COL13A1: variants seen among roughly 807,000 people sequenced by gnomAD.
COL13A1 encodes the protein collagen alpha-1(XIII) chain.
COL13A1 carries 89 observed loss-of-function variants against 130.9 expected under a neutral mutation model. The observed-to-expected ratio is 0.68, with a 90% CI of 0.57 to 0.81. The LOEUF (loss-of-function observed/expected upper bound fraction) is 0.81. Ranked by LOEUF, COL13A1 falls within the 30% of genes least tolerant of loss-of-function variation. The pLI, the probability that COL13A1 is intolerant of heterozygous loss-of-function variation, is 0.00. For missense variants in COL13A1, 879 were observed against 934.6 expected (o/e 0.94, Z 0.78); for synonymous variants, 402 against 341.6 (o/e 1.18, Z -1.95).
chr10:69,916,285 A>C (rs1346251583), intron 17 of COL13A1, among the ~76,000 whole-genome samples: 1 of 152,210 alleles, frequency 6.6e-6, no homozygotes, highest in Non-Finnish European at 1.5e-5. Flanking sequence ...CAGGATTGTC[A>C]CACTCTGTGT....
At chr10:69,805,893 T>C (rs1002728971) in intron 1 of COL13A1, among the ~76,000 whole-genome samples, 4 of 152,204 alleles carry the variant, frequency 2.6e-5, no homozygotes, top group Non-Finnish European at 5.9e-5. Context: ...AAAACAATTC[T>C]CCAAAATGGA....
intron 21 of COL13A1, among the ~76,000 whole-genome samples, chr10:69,919,997 A>T (rs956569284): frequency 6.6e-6 from 1 of 152,202 alleles, no homozygotes; most frequent in Non-Finnish European, 1.5e-5. Context: ...CCAAGGATCC[A>T]CATCCTTTCC....
intron 26 of COL13A1, 136 bp from the exon 27 acceptor site, chr10:69,926,951 C>A: frequency 1.7e-6 from 2 of 1,164,292 alleles, no homozygotes; most frequent in Non-Finnish European, 2.6e-6. Context: ...GGCCATGGAG[C>A]CCACCTGCAA....
At chr10:69,846,893 T>G (rs905508669) in intron 2 of COL13A1, among the ~76,000 whole-genome samples, 3 of 152,202 alleles carry the variant, frequency 2.0e-5, no homozygotes, top group African/African-American at 7.2e-5. Context: ...GCCTGAGGCT[T>G]GGCAGCTTAG....
At chr10:69,823,615 G>T (rs533445918) in intron 2 of COL13A1, among the ~76,000 whole-genome samples, 1 of 152,342 alleles carries the variant, frequency 6.6e-6, no homozygotes, top group Admixed American at 6.5e-5. Context: ...GCTGACAGAT[G>T]TTAAGCATAT....
At chr10:69,806,543 A>C (rs769932207) in intron 1 of COL13A1, among the ~76,000 whole-genome samples, 3 of 152,198 alleles carry the variant, frequency 2.0e-5, no homozygotes, top group Non-Finnish European at 4.4e-5. Flanking sequence ...CTCTTCCCCC[A>C]TCAGCGCCTC....
intron 7 of COL13A1, 122 bp from the exon 8 acceptor site, chr10:69,887,334 T>A: frequency 1.1e-6 from 1 of 951,506 alleles, no homozygotes; most frequent in Non-Finnish European, 1.6e-6. Context: ...CCACAGTGAG[T>A]GTCCCCCAAG....
intron 13 of COL13A1, chr10:69,897,634 T>A: frequency 7.7e-7 from 1 of 1,298,252 alleles, no homozygotes; most frequent in Non-Finnish European, 1.1e-6. Context: ...TGGGAGCGGG[T>A]GGAGCTCTGT....
intron 2 of COL13A1, among the ~76,000 whole-genome samples, chr10:69,854,525 A>G (rs1181931244): frequency 6.6e-6 from 1 of 151,486 alleles, no homozygotes; most frequent in Non-Finnish European, 1.5e-5. Context: ...GGGAACCAAG[A>G]TCACACGACT....
rs1440083590 is a variant in COL13A1 at position 69,873,104 on chromosome 10, G to A, written c.399+894G>A. Among the ~76,000 whole-genome samples, 3 of 152,290 alleles carry A rather than the reference G, an allele frequency of 2.0e-5. No homozygotes were observed. In the East Asian group the frequency reaches 5.8e-4, roughly 29 times the overall value. On this transcript the variant is annotated intron_variant, in intron 4 of 40. Coordinates refer to ENST00000645393, the MANE Select transcript of COL13A1 (RefSeq NM_001368882.1). ...GTAAGATGCTGCAGCCGGTCAGGGG[G>A]CCGGAATCGGGTATGGAGAGCACCC...
intron 36 of COL13A1, among the ~76,000 whole-genome samples, chr10:69,944,990 G>C (rs2068262641): frequency 6.6e-6 from 1 of 152,280 alleles, no homozygotes; most frequent in African/African-American, 2.4e-5. Context: ...AGGACTTGCA[G>C]TTCCTGGCCT....
At chr10:69,937,014 A>G (rs529787701) in intron 33 of COL13A1, among the ~76,000 whole-genome samples, 1 of 152,306 alleles carries the variant, frequency 6.6e-6, no homozygotes, top group Admixed American at 6.5e-5. Flanking sequence ...GACAGGTTAG[A>G]TTCTTAGCCA....
At chr10:69,827,248 T>C (rs1847720459) in intron 2 of COL13A1, among the ~76,000 whole-genome samples, 1 of 152,142 alleles carries the variant, frequency 6.6e-6, no homozygotes, top group Admixed American at 6.5e-5. Context: ...TGGGAGGAGA[T>C]GTCAAGACTA....
At chr10:69,912,772 T>G (rs2063523700) in intron 17 of COL13A1, among the ~76,000 whole-genome samples, 1 of 152,182 alleles carries the variant, frequency 6.6e-6, no homozygotes, top group African/African-American at 2.4e-5. Context: ...GCCCCCTTCC[T>G]TCCTCTAGAC....
chr10:69,872,031 T>C, intron 3 of COL13A1, 153 bp from the exon 4 acceptor site: 1 of 837,156 alleles, frequency 1.2e-6, no homozygotes, highest in Non-Finnish European at 1.9e-6. Flanking sequence ...TTTATAAGCC[T>C]TAGCGATCAA....
chr10:69,914,596 A>G lies in COL13A1; in HGVS notation c.922-2693A>G, dbSNP rs537464096. ...AGAAAAGACAGAGAAAGTAGAAGAG[A>G]GGGATGACGGGGGCCTCTGAATAGT... On this transcript the variant is annotated intron_variant, in intron 17 of 40. Coordinates refer to ENST00000645393, the MANE Select transcript of COL13A1 (RefSeq NM_001368882.1). Among the ~76,000 whole-genome samples, 5 of 152,290 alleles carry G rather than the reference A, an allele frequency of 3.3e-5. No homozygotes were observed. The South Asian group carries it at 1.0e-3, about 32-fold the overall frequency.
At chr10:69,879,716 C>T (rs919825408) in intron 6 of COL13A1, among the ~76,000 whole-genome samples, 1 of 152,126 alleles carries the variant, frequency 6.6e-6, no homozygotes, top group African/African-American at 2.4e-5. Context: ...CAGAGTAGGA[C>T]CTTGAACTTA....
chr10:69,896,755 G>A lies in COL13A1; in HGVS notation c.684+1179G>A, dbSNP rs11812487. On this transcript the variant is annotated intron_variant, in intron 13 of 40. Transcript: ENST00000645393. ...GCTGGGATGGGTTTAAGGCTACGGCGGTGCTGGGCCCGGGCTGAGGAAGGC... is the reference window on the plus strand; with the variant it reads ...GCTGGGATGGGTTTAAGGCTACGGCAGTGCTGGGCCCGGGCTGAGGAAGGC... Among the ~76,000 whole-genome samples the A allele has an allele frequency of 3.9e-3, 599 of 152,230 alleles. 7 individuals carry two copies. The highest frequency in any genetic ancestry group is 0.014 in the African/African-American group (564 of 41,546).
intron 1 of COL13A1, among the ~76,000 whole-genome samples, chr10:69,804,391 G>C (rs1840882724): frequency 6.6e-6 from 1 of 152,058 alleles, no homozygotes; most frequent in Admixed American, 6.5e-5. Flanking sequence ...GACATGCCAA[G>C]TCGCATACTC....
Sources: gnomAD v4.1 joint callset for allele counts (sites outside exome capture counted in the v4.1 genomes callset) on GRCh38, gnomAD v4.1.1 for gene constraint, MANE v1.5 for transcripts, NCBI Gene and HGNC (gene_info 2026-07-23, HGNC 2026-07-21) for gene names.